Variants in GOLIM4 observed in about 807,000 individuals in gnomAD.
GOLIM4 encodes the protein golgi integral membrane protein 4.
Under a neutral mutation model 107.4 loss-of-function variants are expected in GOLIM4, and 71 were observed. That is an observed-to-expected ratio of 0.66 (90% CI 0.55 to 0.81). GOLIM4 has a LOEUF of 0.81. Among genes scored for constraint, GOLIM4 ranks in the 30% least tolerant of loss-of-function variants. GOLIM4 has a pLI of 0.00. For missense variants in GOLIM4, 830 were observed against 826.1 expected (o/e 1.00, Z -0.06); for synonymous variants, 327 against 294.8 (o/e 1.11, Z -1.12).
intron 14 of GOLIM4, among the ~76,000 whole-genome samples, chr3:168,015,249 GACAA>G (rs1214688145): frequency 7.3e-6 from 1 of 136,586 alleles, no homozygotes; most frequent in South Asian, 2.1e-4. Flanking sequence ...ACCAGCAACA[GACAA>G]ACAGAGAGCC....
intron 8 of GOLIM4, among the ~76,000 whole-genome samples, chr3:168,036,007 A>C (rs1157122001): frequency 2.0e-5 from 3 of 152,216 alleles, no homozygotes; most frequent in Non-Finnish European, 1.5e-5. Context: ...AGTGTCAAAC[A>C]GGTCATTTAA....
intron 1 of GOLIM4, among the ~76,000 whole-genome samples, chr3:168,052,826 T>C (rs1162411912): frequency 1.3e-5 from 2 of 152,214 alleles, no homozygotes. Flanking sequence ...CTAATGCTGC[T>C]AAAATCTCTG....
intron 1 of GOLIM4, among the ~76,000 whole-genome samples, chr3:168,076,559 C>T (rs1290127758): frequency 6.6e-6 from 1 of 152,086 alleles, no homozygotes; most frequent in Non-Finnish European, 1.5e-5. Flanking sequence ...GGCGTCGTGG[C>T]GCACACCTGT....
At chr3:168,036,803 C>CTG in intron 8 of GOLIM4, 33 bp downstream of exon 8, 4 of 1,535,590 alleles carry the variant, frequency 2.6e-6, no homozygotes, top group Non-Finnish European at 3.5e-6. Flanking sequence ...GAGAAAGTGA[C>CTG]CTAACCATAG....
chr3:168,028,553 G>A (rs2108226185), intron 11 of GOLIM4, among the ~76,000 whole-genome samples: 1 of 152,220 alleles, frequency 6.6e-6, no homozygotes, highest in East Asian at 1.9e-4. Flanking sequence ...GTGCACAAAG[G>A]GGTTTACTAC....
intron 1 of GOLIM4, among the ~76,000 whole-genome samples, chr3:168,052,863 C>T (rs1275165496): frequency 6.6e-6 from 1 of 152,098 alleles, no homozygotes; most frequent in African/African-American, 2.4e-5. Flanking sequence ...ATTGAATATT[C>T]TCATAGCACC....
At chr3:168,047,588 C>T (rs1719384378) in intron 2 of GOLIM4, among the ~76,000 whole-genome samples, 1 of 152,208 alleles carries the variant, frequency 6.6e-6, no homozygotes, top group Admixed American at 6.5e-5. Context: ...CTCTGCTATC[C>T]TCTTCCTTCC....
intron 5 of GOLIM4, among the ~76,000 whole-genome samples, chr3:168,041,780 C>T (rs1363419393): frequency 6.6e-6 from 1 of 151,714 alleles, no homozygotes. Flanking sequence ...ATAAGCATAC[C>T]CTTAGGAATA....
intron 9 of GOLIM4, among the ~76,000 whole-genome samples, chr3:168,030,459 G>A (rs905629103): frequency 5.4e-5 from 8 of 147,934 alleles, no homozygotes; most frequent in Non-Finnish European, 8.9e-5. Flanking sequence ...AAGACCGAGG[G>A]ATGCTAATTA....
At chr3:168,071,397 G>A (rs1432010259) in intron 1 of GOLIM4, among the ~76,000 whole-genome samples, 2 of 152,120 alleles carry the variant, frequency 1.3e-5, no homozygotes, top group Non-Finnish European at 2.9e-5. Context: ...GACAAGGACA[G>A]AATCTTAGCA....
chr3:168,015,611 G>C (rs1489026205), intron 14 of GOLIM4, among the ~76,000 whole-genome samples: 4 of 136,498 alleles, frequency 2.9e-5, no homozygotes, highest in Middle Eastern at 3.4e-3. Context: ...GAACAAAGCC[G>C]GAGGCATCAC....
rs1716866822 is a variant in GOLIM4 at position 168,009,448 on chromosome 3, A to AAAAT, written c.*820_*821insATTT. 6.7e-6 allele frequency: 1 copy of AAAAT among 149,598 alleles called. No individual in the cohort carries two copies. The highest frequency in any genetic ancestry group is 2.4e-5 in the African/African-American group (1 of 40,960). The allele number at this position is 149,598 out of a possible 1,614,324, so 9.3% of individuals were successfully genotyped here. Reference sequence around the variant, plus strand: ...CTTCAAACAAAAAAAAAAAAAAAAAATTGAGAATGGGTGCTCGCATAGAAA... The same window carrying AAAAT: ...CTTCAAACAAAAAAAAAAAAAAAAAAAAATTTGAGAATGGGTGCTCGCATAGAAA... On this transcript the variant is annotated 3_prime_UTR_variant, in exon 16 of 16. Transcript: ENST00000470487.
At chr3:168,070,044 G>A (rs560826174) in intron 1 of GOLIM4, among the ~76,000 whole-genome samples, 1 of 152,200 alleles carries the variant, frequency 6.6e-6, no homozygotes, top group South Asian at 2.1e-4. Context: ...ACTTTACTAG[G>A]CAACGACAAA....
At chr3:168,034,566 C>T (rs912239841) in intron 8 of GOLIM4, among the ~76,000 whole-genome samples, 2 of 152,162 alleles carry the variant, frequency 1.3e-5, no homozygotes, top group African/African-American at 2.4e-5. Flanking sequence ...ATTCCCATAA[C>T]TTGGAGGAAA....
chr3:168,059,534 CAA>C (rs1720146513), intron 1 of GOLIM4, among the ~76,000 whole-genome samples: 2 of 152,218 alleles, frequency 1.3e-5, no homozygotes, highest in African/African-American at 4.8e-5. Context: ...ACAAATCAAA[CAA>C]ATATTAATTG....
chr3:168,034,445 G>A (rs7632930), intron 8 of GOLIM4, among the ~76,000 whole-genome samples: 6,509 of 152,242 alleles, frequency 0.043, 434 homozygotes, highest in African/African-American at 0.15. Flanking sequence ...ATTAACATAA[G>A]AGCCTGAGAA....
intron 1 of GOLIM4, among the ~76,000 whole-genome samples, chr3:168,063,052 C>A (rs1435264107): frequency 6.6e-6 from 1 of 152,162 alleles, no homozygotes; most frequent in Non-Finnish European, 1.5e-5. Context: ...AATCCTGCTT[C>A]CACCACCACC....
chr3:168,056,569 A>G (rs1483472246), intron 1 of GOLIM4, among the ~76,000 whole-genome samples: 1 of 152,234 alleles, frequency 6.6e-6, no homozygotes, highest in Non-Finnish European at 1.5e-5. Flanking sequence ...TGTACCCTGC[A>G]AAGCCAAAGG....
chr3:168,041,055 C>T (rs1404246402), intron 6 of GOLIM4, 186 bp from the exon 7 acceptor site: 6 of 510,182 alleles, frequency 1.2e-5, no homozygotes, highest in East Asian at 6.1e-5. Flanking sequence ...AAATCTAAAA[C>T]GTGCTACCCA....
Sources: allele counts gnomAD v4.1 joint callset (sites outside exome capture counted in the v4.1 genomes callset), GRCh38; gene constraint gnomAD v4.1.1; transcripts MANE v1.5; gene names NCBI Gene and HGNC (gene_info 2026-07-23, HGNC 2026-07-21).